The following DMRT1 variants were observed in gnomAD, a reference collection of about 807,000 sequenced individuals.
DMRT1 encodes doublesex and mab-3 related transcription factor 1.
In DMRT1, 7 loss-of-function variants were observed where a neutral mutation model predicts 32.3. That is an observed-to-expected ratio of 0.22 (90% CI 0.12 to 0.41). The LOEUF is 0.41. DMRT1 is among the 10% of genes least tolerant of loss of function. DMRT1 has a pLI of 1.00. For synonymous variants in DMRT1, 278 were observed against 206.1 expected (o/e 1.35, Z -2.99); for missense variants, 625 against 500.5 (o/e 1.25, Z -2.37).
chr9:944,529 C>G (rs1166717633), intron 4 of DMRT1, among the ~76,000 whole-genome samples: 2 of 152,164 alleles, frequency 1.3e-5, no homozygotes, highest in African/African-American at 4.8e-5. Context: ...CTTAGTCCTC[C>G]TGATTGTTTG....
At chr9:930,579 T>G (rs953560239) in intron 4 of DMRT1, among the ~76,000 whole-genome samples, 2 of 152,032 alleles carry the variant, frequency 1.3e-5, no homozygotes, top group African/African-American at 4.8e-5. Context: ...CAGCAAATCC[T>G]TTGTATTTTT....
At chr9:905,282 C>A (rs1311240443) in intron 3 of DMRT1, among the ~76,000 whole-genome samples, 1 of 152,214 alleles carries the variant, frequency 6.6e-6, no homozygotes, top group Non-Finnish European at 1.5e-5. Context: ...GGTGTTCATA[C>A]ATAGACTGAG....
intron 2 of DMRT1, among the ~76,000 whole-genome samples, chr9:851,355 C>G (rs1564196136): frequency 2.0e-5 from 3 of 152,140 alleles, no homozygotes; most frequent in Admixed American, 2.0e-4. Flanking sequence ...TCTCTCACCT[C>G]AGCCTCTTGA....
chr9:863,319 TAAAAA>T (rs34511298), intron 2 of DMRT1, among the ~76,000 whole-genome samples: 4 of 135,134 alleles, frequency 3.0e-5, no homozygotes, highest in Admixed American at 7.5e-5. Context: ...CCACGTCTCT[TAAAAA>T]AAAAAAAAAA....
At chr9:960,384 A>G (rs1427563453) in intron 4 of DMRT1, among the ~76,000 whole-genome samples, 1 of 152,206 alleles carries the variant, frequency 6.6e-6, no homozygotes, top group East Asian at 1.9e-4. Context: ...TAAAAATCCT[A>G]TTAATTTCCA....
chr9:917,928 A>G (rs1818235120), intron 4 of DMRT1, among the ~76,000 whole-genome samples: 1 of 152,232 alleles, frequency 6.6e-6, no homozygotes, highest in Non-Finnish European at 1.5e-5. Flanking sequence ...TTGCAGTTTC[A>G]CTTTTATTAA....
In DMRT1 at chr9:947,172, G is replaced by A. The variant is rs186850610; in HGVS notation, c.968-20813G>A. ...CTAGTCCAAGCTTGTCCATCCCACAGGACTACAGCCACATGCGGCCCAGAA... is the reference window on the plus strand; with the variant it reads ...CTAGTCCAAGCTTGTCCATCCCACAAGACTACAGCCACATGCGGCCCAGAA... On this transcript the variant is annotated intron_variant, in intron 4 of 4. Transcript: ENST00000382276. Among the ~76,000 whole-genome samples the A allele has an allele frequency of 2.1e-3, 318 of 152,304 alleles. 5 individuals are homozygous for A. Among genetic ancestry groups the A allele is most frequent in the African/African-American group, 7.5e-3 (311 of 41,564 alleles).
intron 2 of DMRT1, among the ~76,000 whole-genome samples, chr9:868,723 G>A (rs906241347): frequency 4.6e-5 from 7 of 152,192 alleles, no homozygotes; most frequent in African/African-American, 1.7e-4. Flanking sequence ...TTAAAAGTTA[G>A]CATCGGCTGG....
At chr9:867,212 T>C (rs1816030007) in intron 2 of DMRT1, among the ~76,000 whole-genome samples, 1 of 151,938 alleles carries the variant, frequency 6.6e-6, no homozygotes. Context: ...CAAAGCATAA[T>C]AAGGGTGATT....
chr9:918,496 G>A (rs1333775513), intron 4 of DMRT1, among the ~76,000 whole-genome samples: 1 of 152,134 alleles, frequency 6.6e-6, no homozygotes, highest in Non-Finnish European at 1.5e-5. Context: ...AAAAGGAAGC[G>A]ACTCAGAAGG....
intron 3 of DMRT1, among the ~76,000 whole-genome samples, chr9:913,617 T>C (rs1290029590): frequency 6.6e-6 from 1 of 151,424 alleles, no homozygotes; most frequent in Non-Finnish European, 1.5e-5. Flanking sequence ...TTTTTTAAGC[T>C]GGGGCAGTGG....
intron 2 of DMRT1, among the ~76,000 whole-genome samples, chr9:883,789 T>TAA (rs377354456): frequency 5.1e-5 from 7 of 137,864 alleles, no homozygotes; most frequent in African/African-American, 8.0e-5. Context: ...ACCTGTTTCT[T>TAA]AAAAAAAAAA....
intron 2 of DMRT1, among the ~76,000 whole-genome samples, chr9:869,027 A>G (rs1281962455): frequency 6.6e-6 from 1 of 152,108 alleles, no homozygotes; most frequent in East Asian, 1.9e-4. Flanking sequence ...TAATAATAAT[A>G]AAAATAAAAG....
chr9:861,831 G>A (rs1484681656), intron 2 of DMRT1, among the ~76,000 whole-genome samples: 1 of 150,688 alleles, frequency 6.6e-6, no homozygotes, highest in African/African-American at 2.4e-5. Flanking sequence ...CAGACGGGGC[G>A]GCCGGTCAGA....
At chr9:850,536 C>G (rs895919128) in intron 2 of DMRT1, among the ~76,000 whole-genome samples, 1 of 152,094 alleles carries the variant, frequency 6.6e-6, no homozygotes, top group African/African-American at 2.4e-5. Context: ...TTCTTCTAAC[C>G]CCAACCTGCA....
At chr9:944,491 A>T (rs921191854) in intron 4 of DMRT1, among the ~76,000 whole-genome samples, 1 of 152,234 alleles carries the variant, frequency 6.6e-6, no homozygotes, top group Non-Finnish European at 1.5e-5. Context: ...TTGATAAATA[A>T]CATGGTAAAA....
chr9:966,290 TTA>T (rs1170003893), intron 4 of DMRT1, among the ~76,000 whole-genome samples: 1 of 152,232 alleles, frequency 6.6e-6, no homozygotes, highest in Non-Finnish European at 1.5e-5. Flanking sequence ...GTTGCTATAT[TTA>T]TATATGCATA....
chr9:913,501 A>C (rs1188310183), intron 3 of DMRT1, among the ~76,000 whole-genome samples: 1 of 152,220 alleles, frequency 6.6e-6, no homozygotes, highest in Admixed American at 6.5e-5. Context: ...AATTTTGTGT[A>C]TAAAAATAAA....
At chr9:955,137 A>G (rs1441829934) in intron 4 of DMRT1, among the ~76,000 whole-genome samples, 1 of 152,080 alleles carries the variant, frequency 6.6e-6, no homozygotes, top group African/African-American at 2.4e-5. Context: ...GAGGGCCTGG[A>G]GAAAGGAGAG....
Sources: gnomAD v4.1 joint callset for allele counts (sites outside exome capture counted in the v4.1 genomes callset) on GRCh38, gnomAD v4.1.1 for gene constraint, MANE v1.5 for transcripts, NCBI Gene and HGNC (gene_info 2026-07-23, HGNC 2026-07-21) for gene names.